SLC1A1: variants seen among roughly 807,000 people sequenced by gnomAD.
SLC1A1 encodes the protein solute carrier family 1 member 1, also known as excitatory amino acid transporter 3.
Under a neutral mutation model 53.3 loss-of-function variants are expected in SLC1A1, and 43 were observed. The ratio of observed to expected loss-of-function variants is 0.81; its 90% CI spans 0.63 to 1.04. The LOEUF (loss-of-function observed/expected upper bound fraction) is 1.04. Ranked by LOEUF, SLC1A1 falls within the 50% of genes least tolerant of loss-of-function variation. The pLI is 0.00. For missense variants in SLC1A1, 748 were observed against 664.9 expected, an observed-to-expected ratio of 1.12 and a Z score of -1.37; for synonymous variants, 307 against 243.2, an observed-to-expected ratio of 1.26 and a Z score of -2.44.
rs879431150 is a variant in SLC1A1, at chr9:4,494,614, G to A, written c.91+3844G>A. Among the ~76,000 whole-genome samples the A allele has an allele frequency of 2.1e-4, 32 of 151,090 alleles. 1 individual carries two copies. Among genetic ancestry groups the A allele is most frequent in the Admixed American group, 1.1e-3 (16 of 15,156 alleles). ...GAATCATTTATTTTTGTGCCCCACC[G>A]GCTAATCCTCAATTCATTTAAATAT... On this transcript the variant is annotated intron_variant, in intron 1 of 11. Transcript: ENST00000262352.
chr9:4,548,483 G>C (rs553747695), intron 2 of SLC1A1, among the ~76,000 whole-genome samples: 131 of 152,158 alleles, frequency 8.6e-4, no homozygotes, highest in African/African-American at 3.0e-3. Flanking sequence ...CCTGCATAAA[G>C]GAAACTCTCT....
intron 1 of SLC1A1, among the ~76,000 whole-genome samples, chr9:4,538,244 A>T (rs1816749294): frequency 6.6e-6 from 1 of 152,208 alleles, no homozygotes; most frequent in South Asian, 2.1e-4. Context: ...ATGAGATATC[A>T]ATCAGTACAT....
At chr9:4,536,386 A>G (rs1275325358) in intron 1 of SLC1A1, among the ~76,000 whole-genome samples, 1 of 152,234 alleles carries the variant, frequency 6.6e-6, no homozygotes, top group Non-Finnish European at 1.5e-5. Context: ...GGCGAAGGAT[A>G]TGAACAGACA....
intron 6 of SLC1A1, among the ~76,000 whole-genome samples, chr9:4,569,981 G>A (rs1819870822): frequency 6.6e-6 from 1 of 152,204 alleles, no homozygotes; most frequent in Non-Finnish European, 1.5e-5. Context: ...AGCAAGGGAT[G>A]TTAAATTAGT....
At chr9:4,546,158 G>A (rs761042704) in intron 2 of SLC1A1, among the ~76,000 whole-genome samples, 1 of 152,146 alleles carries the variant, frequency 6.6e-6, no homozygotes, top group African/African-American at 2.4e-5. Flanking sequence ...TGCCAAACTC[G>A]AATTAGACTA....
rs767011684 is a variant in SLC1A1, at chr9:4,585,313, G to A, written c.1330G>A (p.Asp444Asn). Residue 444 changes from aspartate (D) to asparagine (N), a missense_variant and splice_region_variant, in exon 12 of 12, where the codon GAC becomes AAC. By Grantham distance (23) the Asp-to-Asn change is conservative. Transcript: ENST00000262352. ...TLIIAVDWLL[D>N]RFRTMVNVLG... ...CTGACTCCTCCCGTCTCTCCCCAGGGACCGGTTCAGGACCATGGTCAACGT... is the reference window on the plus strand; with the variant it reads ...CTGACTCCTCCCGTCTCTCCCCAGGAACCGGTTCAGGACCATGGTCAACGT... 1 of 1,613,476 alleles carries A rather than the reference G, an allele frequency of 6.2e-7. No homozygotes were observed. The highest frequency in any genetic ancestry group is 8.5e-7 in the Non-Finnish European group (1 of 1,179,874).
chr9:4,583,071 T>C lies in SLC1A1; in HGVS notation c.1227T>C (p.Ala409=), dbSNP rs147404292. 265 of 1,614,260 alleles carry C rather than the reference T, an allele frequency of 1.6e-4. 1 individual carries two copies. The African/African-American group carries it at 2.9e-3, about 18-fold the overall frequency. The change falls in exon 11 of 12, where the codon GCT becomes GCC. Residue 409 remains alanine (A), a synonymous_variant. Transcript: ENST00000262352. This position sits in a 1 kb window ranked among gnomAD's most constrained non-coding sequence, Gnocchi z 4.6. ...ITATSASIGA[A]GVPQAGLVTM... ...CCACATCTGCCAGCATCGGAGCTGC[T>C]GGCGTGCCCCAGGCTGGCCTGGTGA...
chr9:4,513,380 T>C (rs1053032067), intron 1 of SLC1A1, among the ~76,000 whole-genome samples: 1 of 152,074 alleles, frequency 6.6e-6, no homozygotes. Flanking sequence ...TGATCAAACT[T>C]TAAAAATAGG....
chr9:4,514,617 G>A (rs1821103462), intron 1 of SLC1A1, among the ~76,000 whole-genome samples: 1 of 152,058 alleles, frequency 6.6e-6, no homozygotes, highest in Admixed American at 6.6e-5. Context: ...ATGAGCGCAG[G>A]GCAGAACTGA....
At chr9:4,525,760 T>C (rs1320933186) in intron 1 of SLC1A1, among the ~76,000 whole-genome samples, 4 of 152,028 alleles carry the variant, frequency 2.6e-5, no homozygotes, top group East Asian at 1.9e-4. Flanking sequence ...AACTGCAAAA[T>C]AGGTGTGAGA....
In SLC1A1 at chr9:4,556,271, G is replaced by A. The variant is rs1818373836; in HGVS notation, c.233-5178G>A. Among the ~76,000 whole-genome samples the A allele has an allele frequency of 6.6e-6, 1 of 152,058 alleles. No individual in the cohort carries two copies. Among genetic ancestry groups the A allele is most frequent in the Non-Finnish European group, 1.5e-5 (1 of 67,986 alleles). ...CTGACCTCAGGTGATCCACCTGCCT[G>A]GGCCTCCCAAAGTGCTGGGATTACC... On this transcript the variant is annotated intron_variant, in intron 2 of 11. Transcript: ENST00000262352. The surrounding 1 kb of genome is among the most constrained non-coding windows in gnomAD (Gnocchi z 4.1).
rs373604899 is a variant in SLC1A1 at position 4,583,853 on chromosome 9, TTCTC to T, written c.1328+708_1328+711del. On this transcript the variant is annotated intron_variant, in intron 11 of 11. Transcript: ENST00000262352. The surrounding 1 kb of genome is among the most constrained non-coding windows in gnomAD (Gnocchi z 4.6). Reference sequence around the variant, plus strand: ...CCATTCAGGCCCCAATCAACAACACTTCTCTCTCTCTCTCTCTCTCTCTCTCTCT... The same window carrying T: ...CCATTCAGGCCCCAATCAACAACACTTCTCTCTCTCTCTCTCTCTCTCTCT... Among the ~76,000 whole-genome samples the T allele has an allele frequency of 9.3e-4, 127 of 136,974 alleles. 1 individual carries two copies. Among genetic ancestry groups the T allele is most frequent in the African/African-American group, 2.7e-3 (98 of 36,238 alleles). 89.9% of individuals were successfully genotyped at this position (136,974 alleles called of 152,430 possible).
chr9:4,542,489 T>C (rs577608288), intron 1 of SLC1A1, among the ~76,000 whole-genome samples: 1 of 152,268 alleles, frequency 6.6e-6, no homozygotes, highest in African/African-American at 2.4e-5. Context: ...AGCCCTGAGA[T>C]TGGGGCACAT....
intron 1 of SLC1A1, among the ~76,000 whole-genome samples, chr9:4,517,861 C>A (rs1279376108): frequency 6.6e-6 from 1 of 152,118 alleles, no homozygotes; most frequent in East Asian, 1.9e-4. Flanking sequence ...GCCCTGATCC[C>A]TGTAGCCTTG....
intron 10 of SLC1A1, among the ~76,000 whole-genome samples, chr9:4,581,591 C>A (rs1370869289): frequency 6.6e-6 from 1 of 152,210 alleles, no homozygotes; most frequent in Non-Finnish European, 1.5e-5. Context: ...GGACACAAAT[C>A]ACTTCTGACA....
chr9:4,559,221 T>C (rs1818701930), intron 2 of SLC1A1, among the ~76,000 whole-genome samples: 1 of 152,208 alleles, frequency 6.6e-6, no homozygotes, highest in Non-Finnish European at 1.5e-5. Flanking sequence ...AACTGCATTT[T>C]TCTCAAATCG....
chr9:4,564,438 T>C lies in SLC1A1; in HGVS notation c.420T>C (p.Asp140=), dbSNP rs778358208. The C allele has an allele frequency of 6.2e-6, 10 of 1,611,784 alleles. No individual in the cohort carries two copies. Among genetic ancestry groups the C allele is most frequent in the African/African-American group, 1.3e-5 (1 of 75,050 alleles). Residue 140 remains aspartate, a synonymous_variant, in exon 4 of 12, where the codon GAT becomes GAC. Transcript: ENST00000262352. ...TGSTPEVSTV[D]AMLDLIRNMF... is the part of the protein sequence containing the mutation. Reference sequence around the variant, plus strand: ...GCACCCCTGAAGTCAGTACGGTGGATGCCATGTTAGATCTCATCAGGTGAG... The same window carrying C: ...GCACCCCTGAAGTCAGTACGGTGGACGCCATGTTAGATCTCATCAGGTGAG...
intron 2 of SLC1A1, among the ~76,000 whole-genome samples, chr9:4,547,452 C>G (rs1817584954): frequency 6.6e-6 from 1 of 152,092 alleles, no homozygotes; most frequent in Non-Finnish European, 1.5e-5. Flanking sequence ...GGGATATGAA[C>G]AAAGCAGGGT....
intron 6 of SLC1A1, among the ~76,000 whole-genome samples, chr9:4,570,973 A>T (rs1358901216): frequency 6.6e-6 from 1 of 152,078 alleles, no homozygotes; most frequent in Non-Finnish European, 1.5e-5. Context: ...GCTAATTTTT[A>T]TATGTCTAAA....
Sources: gnomAD v4.1 joint callset for allele counts (sites outside exome capture counted in the v4.1 genomes callset) on GRCh38, gnomAD v4.1.1 for gene constraint, Gnocchi (gnomAD v3.1) non-coding constraint, MANE v1.5 for transcripts, NCBI Gene and HGNC (gene_info 2026-07-23, HGNC 2026-07-21) for gene names.